VPS13B: variants seen among roughly 807,000 people sequenced by gnomAD.
VPS13B encodes the protein intermembrane lipid transfer protein VPS13B.
Under a neutral mutation model 426.4 loss-of-function variants are expected in VPS13B, and 285 were observed. The observed-to-expected ratio is 0.67, with a 90% CI of 0.61 to 0.74. VPS13B has a LOEUF of 0.74. Ranked by LOEUF, VPS13B falls within the 30% of genes least tolerant of loss-of-function variation. VPS13B has a pLI of 0.00. For synonymous variants in VPS13B, 1,676 were observed against 1,676.4 expected (o/e 1.00, Z 0.01); for missense variants, 4,537 against 4,782.6 (o/e 0.95, Z 1.51).
Position 99,821,417 on chromosome 8 carries a change from A to G in VPS13B, c.9118A>G (p.Thr3040Ala), listed in dbSNP as rs749555870. 6.2e-7 allele frequency: 1 copy of G among 1,613,908 alleles called. No individual in the cohort carries two copies. Among genetic ancestry groups the G allele is most frequent in the Non-Finnish European group, 8.5e-7 (1 of 1,179,840 alleles). Residue 3040 changes from threonine (T) to alanine (A), a missense_variant, in exon 50 of 62, where the codon ACA (threonine) becomes GCA (alanine). Coordinates refer to ENST00000357162, the MANE Select transcript of VPS13B (RefSeq NM_152564.5). The stretch of plus-strand genomic sequence containing the variant: ...AGATGGAGGTAATGGTGAAGTTGTG[A>G]CACTGGATGAAGAAGCGTTTGTTGA... ...WKDGGNGEVV[T>A]LDEEAFVDTE...
intron 39 of VPS13B, among the ~76,000 whole-genome samples, chr8:99,737,269 C>T (rs973284692): frequency 4.6e-5 from 7 of 150,810 alleles, no homozygotes; most frequent in East Asian, 1.9e-4. Flanking sequence ...TACAGGTGCC[C>T]GCCACCACGC....
intron 30 of VPS13B, among the ~76,000 whole-genome samples, chr8:99,530,550 G>T (rs1335768606): frequency 6.6e-6 from 1 of 150,726 alleles, no homozygotes; most frequent in South Asian, 2.1e-4. Context: ...GGAGGTGGAG[G>T]TTGCAGTGAG....
At chr8:99,772,342 CATAAA>C (rs887122422) in intron 40 of VPS13B, among the ~76,000 whole-genome samples, 3 of 151,520 alleles carry the variant, frequency 2.0e-5, no homozygotes, top group African/African-American at 7.3e-5. Context: ...TTTTTAATAA[CATAAA>C]ATAAAATAGA....
intron 19 of VPS13B, among the ~76,000 whole-genome samples, chr8:99,296,338 A>G (rs895295371): frequency 1.3e-5 from 2 of 152,170 alleles, no homozygotes; most frequent in Non-Finnish European, 2.9e-5. Flanking sequence ...TTCACTGGAA[A>G]TAAGGATAAT....
At chr8:99,510,465 C>G (rs1306100996) in intron 28 of VPS13B, among the ~76,000 whole-genome samples, 1 of 152,124 alleles carries the variant, frequency 6.6e-6, no homozygotes, top group Non-Finnish European at 1.5e-5. Flanking sequence ...GAAAAATTAT[C>G]ACGAAATGAA....
chr8:99,269,149 G>A (rs970337726), intron 17 of VPS13B, among the ~76,000 whole-genome samples: 5 of 152,080 alleles, frequency 3.3e-5, no homozygotes, highest in Non-Finnish European at 5.9e-5. Flanking sequence ...ACCCAGTCTC[G>A]AGTATTTCTT....
At chr8:99,316,068 G>T (rs777346594) in intron 19 of VPS13B, among the ~76,000 whole-genome samples, 3 of 152,204 alleles carry the variant, frequency 2.0e-5, no homozygotes, top group African/African-American at 4.8e-5. Flanking sequence ...GGATGCATAG[G>T]TTGGGCTAGC....
At chr8:99,190,579 A>G (rs1287702761) in intron 16 of VPS13B, among the ~76,000 whole-genome samples, 2 of 151,504 alleles carry the variant, frequency 1.3e-5, no homozygotes, top group African/African-American at 2.4e-5. Flanking sequence ...TATTAGTTTT[A>G]CCTTTTAGTT....
intron 54 of VPS13B, among the ~76,000 whole-genome samples, chr8:99,846,046 C>A (rs907803601): frequency 9.9e-5 from 15 of 152,158 alleles, no homozygotes; most frequent in Non-Finnish European, 2.2e-4. Flanking sequence ...CTGCTCTATT[C>A]CCAGAAGGAG....
At chr8:99,640,053 A>AGAAGAAGAAGAAGAAGAAGAAG (rs1364476294) in intron 33 of VPS13B, among the ~76,000 whole-genome samples, 5 of 48,778 alleles carry the variant, frequency 1.0e-4, no homozygotes, top group African/African-American at 4.8e-4. Flanking sequence ...GAAGAAGAGA[A>AGAAGAAGAAGAAGAAGAAGAAG]AAGAAAAGAA....
At chr8:99,472,245 A>G (rs1029331362) in intron 24 of VPS13B, among the ~76,000 whole-genome samples, 5 of 152,230 alleles carry the variant, frequency 3.3e-5, no homozygotes, top group Middle Eastern at 3.4e-3. Flanking sequence ...TGAAAATACT[A>G]TGCACTCACC....
chr8:99,833,118 T>C (rs1365289971), intron 52 of VPS13B, among the ~76,000 whole-genome samples: 1 of 152,226 alleles, frequency 6.6e-6, no homozygotes, highest in Non-Finnish European at 1.5e-5. Context: ...CTCAAAAAAG[T>C]CATTAAGAGA....
At chr8:99,369,943 C>T (rs75947298) in intron 19 of VPS13B, among the ~76,000 whole-genome samples, 7,487 of 152,144 alleles carry the variant, frequency 0.049, 205 homozygotes, top group African/African-American at 0.071. Flanking sequence ...GTCCAGAAAA[C>T]AGTTTTACCT....
Position 99,808,829 on chromosome 8 carries a change from AC to A in VPS13B, c.7942-545del, listed in dbSNP as rs1813549625. Among the ~76,000 whole-genome samples, 3 of 152,160 alleles carry A rather than the reference AC, an allele frequency of 2.0e-5. No homozygotes were observed. The East Asian group carries it at 5.8e-4, about 29-fold the overall frequency. ...AAAAAGAACAAATACATCATATCTT[AC>A]ATTTAAAATGTTGAGGGTATTTCTA... On this transcript the variant is annotated intron_variant, in intron 43 of 61. Coordinates refer to ENST00000357162, the MANE Select transcript of VPS13B (RefSeq NM_152564.5).
At chr8:99,394,430 C>T (rs1348836659) in intron 21 of VPS13B, among the ~76,000 whole-genome samples, 1 of 152,162 alleles carries the variant, frequency 6.6e-6, no homozygotes, top group Non-Finnish European at 1.5e-5. Flanking sequence ...TACAGGGGGA[C>T]CTGTGCTTGA....
chr8:99,656,405 G>A (rs1206773480), intron 34 of VPS13B, among the ~76,000 whole-genome samples: 1 of 152,152 alleles, frequency 6.6e-6, no homozygotes, highest in African/African-American at 2.4e-5. Flanking sequence ...CCTATGACTT[G>A]AATACATCCA....
chr8:99,319,189 G>C (rs1809843735), intron 19 of VPS13B, among the ~76,000 whole-genome samples: 1 of 152,110 alleles, frequency 6.6e-6, no homozygotes, highest in Non-Finnish European at 1.5e-5. Flanking sequence ...TACTCAGCCT[G>C]CCACATGTAT....
chr8:99,035,150 TC>T (rs1842687243), intron 2 of VPS13B, among the ~76,000 whole-genome samples: 1 of 151,176 alleles, frequency 6.6e-6, no homozygotes, highest in African/African-American at 2.4e-5. Flanking sequence ...GCCACTGCAC[TC>T]CAGCCTGGGT....
At chr8:99,203,492 A>G (rs1305151985) in intron 17 of VPS13B, among the ~76,000 whole-genome samples, 1 of 152,166 alleles carries the variant, frequency 6.6e-6, no homozygotes. Flanking sequence ...TATTCAACAT[A>G]GTATTGGAAG....
Sources: gnomAD v4.1 joint callset for allele counts (sites outside exome capture counted in the v4.1 genomes callset) on GRCh38, gnomAD v4.1.1 for gene constraint, MANE v1.5 for transcripts, NCBI Gene and HGNC (gene_info 2026-07-23, HGNC 2026-07-21) for gene names.